Variants in MAPKAPK5 observed in about 807,000 individuals in gnomAD.
The protein encoded by MAPKAPK5 is MAP kinase-activated protein kinase 5.
In MAPKAPK5, 30 loss-of-function variants were observed where a neutral mutation model predicts 65.1. That is an observed-to-expected ratio of 0.46 (90% CI 0.34 to 0.63). The LOEUF (loss-of-function observed/expected upper bound fraction) is 0.63. MAPKAPK5 is among the 20% of genes least tolerant of loss of function. The pLI is 0.01. For missense variants in MAPKAPK5, 433 were observed against 581.4 expected (o/e 0.74, Z 2.63); for synonymous variants, 179 against 204.6 (o/e 0.87, Z 1.07).
intron 12 of MAPKAPK5, chr12:111,889,212 C>T (rs2070517831): frequency 2.1e-6 from 1 of 470,604 alleles, no homozygotes; most frequent in South Asian, 4.3e-5. Context: ...TTAAGTTCTG[C>T]CCCTCCTTTG....
intron 5 of MAPKAPK5, 25 bp from the exon 6 acceptor site, chr12:111,870,246 A>C: frequency 6.4e-7 from 1 of 1,551,112 alleles, no homozygotes; most frequent in Non-Finnish European, 8.9e-7. Flanking sequence ...CTAAGAAGCG[A>C]CTGTTTCATT....
At position 111,880,541 on chromosome 12, in the gene MAPKAPK5, T is replaced by G. The variant is rs541409199; in HGVS notation, c.660+14T>G. ...ACTTACAACAAGGTACAGGAAGAGA[T>G]ATTTCTCTTCATTTGACAGATGCAG... On this transcript the variant is annotated intron_variant, in intron 8 of 13. Coordinates refer to ENST00000550735, the MANE Select transcript of MAPKAPK5 (RefSeq NM_003668.4). The G allele has an allele frequency of 6.2e-5, 99 of 1,607,224 alleles. 1 individual carries two copies. The South Asian group carries it at 9.3e-4, about 15-fold the overall frequency.
intron 9 of MAPKAPK5, among the ~76,000 whole-genome samples, chr12:111,884,333 C>G (rs758754747): frequency 6.6e-6 from 1 of 152,192 alleles, no homozygotes; most frequent in South Asian, 2.1e-4. Context: ...GCCTCAGCCT[C>G]GGCAGTAGCT....
chr12:111,889,862 A>G (rs1193745075), intron 12 of MAPKAPK5, 178 bp from the exon 13 acceptor site: 2 of 552,790 alleles, frequency 3.6e-6, no homozygotes, highest in Non-Finnish European at 6.5e-6. Context: ...AAAAGAGTCC[A>G]CATACCAGAT....
rs749936942 is a variant in MAPKAPK5, at chr12:111,900,852, A to G, written c.*7791A>G. 4 of 456,092 alleles carry G rather than the reference A, an allele frequency of 8.8e-6. No individual in the cohort carries two copies. Among genetic ancestry groups the G allele is most frequent in the South Asian group, 4.6e-5 (3 of 64,564 alleles). The allele number at this position is 456,092 out of a possible 1,614,324, so 28.3% of individuals were successfully genotyped here. On this transcript the variant is annotated 3_prime_UTR_variant, in exon 14 of 14. Transcript: ENST00000550735. The stretch of plus-strand genomic sequence containing the variant: ...ATGTCATACAATTTACGAGTGCCTT[A>G]AAGTTCATTGTATGGACCCTAATAA...
Position 111,893,554 on chromosome 12 carries a change from G to C in MAPKAPK5, c.*493G>C, listed in dbSNP as rs111615149. On this transcript the variant is annotated 3_prime_UTR_variant, in exon 14 of 14. Coordinates refer to ENST00000550735, the MANE Select transcript of MAPKAPK5 (RefSeq NM_003668.4). ...TCACAGGAGGCACACTTGAGCTTGG[G>C]GAGCCAACTTCCATGATGGAAGAAG... 0.031 allele frequency: 4,772 copies of C among 152,296 alleles called. 94 individuals carry two copies. The highest frequency in any genetic ancestry group is 0.12 in the Middle Eastern group (36 of 294). The allele number at this position is 152,296 out of a possible 1,614,324, so 9.4% of individuals were successfully genotyped here.
At chr12:111,848,568 C>G (rs1467565025) in intron 1 of MAPKAPK5, among the ~76,000 whole-genome samples, 1 of 152,050 alleles carries the variant, frequency 6.6e-6, no homozygotes, top group Non-Finnish European at 1.5e-5. Context: ...CACCTGCCAT[C>G]ATGCCCAGCT....
intron 1 of MAPKAPK5, among the ~76,000 whole-genome samples, chr12:111,846,187 C>A (rs1271562113): frequency 2.0e-5 from 3 of 152,202 alleles, no homozygotes; most frequent in Non-Finnish European, 4.4e-5. Flanking sequence ...GCCAGCATTA[C>A]ATCAAATAAA....
intron 1 of MAPKAPK5, among the ~76,000 whole-genome samples, chr12:111,863,067 C>T (rs1476419639): frequency 6.6e-6 from 1 of 152,094 alleles, no homozygotes; most frequent in African/African-American, 2.4e-5. Context: ...AGTACTTGTT[C>T]CTAATCTTTA....
chr12:111,897,632 A>T lies in MAPKAPK5; in HGVS notation c.*4571A>T. The T allele has an allele frequency of 6.6e-6, 1 of 152,230 alleles. No homozygotes were observed. Among genetic ancestry groups the T allele is most frequent in the East Asian group, 1.9e-4 (1 of 5,200 alleles). The allele number at this position is 152,230 out of a possible 1,614,324, so 9.4% of individuals were successfully genotyped here. A position where few individuals can be genotyped will look rare whatever the true frequency, so the allele number is the denominator to read the frequency against. On this transcript the variant is annotated 3_prime_UTR_variant, in exon 14 of 14. Coordinates refer to ENST00000550735, the MANE Select transcript of MAPKAPK5 (RefSeq NM_003668.4). ...TTTGCGCTTACATAAATCACAAGAAATACAGCTGGAAATCATTTCACTTTT... is the reference window on the plus strand; with the variant it reads ...TTTGCGCTTACATAAATCACAAGAATTACAGCTGGAAATCATTTCACTTTT...
intron 1 of MAPKAPK5, among the ~76,000 whole-genome samples, chr12:111,854,391 G>A (rs1049875842): frequency 2.0e-5 from 3 of 151,992 alleles, no homozygotes; most frequent in East Asian, 1.9e-4. Flanking sequence ...TGAGGCGTGC[G>A]CCACCACGCC....
At chr12:111,875,099 T>C (rs2069919986) in intron 7 of MAPKAPK5, among the ~76,000 whole-genome samples, 1 of 152,254 alleles carries the variant, frequency 6.6e-6, no homozygotes, top group Admixed American at 6.5e-5. Context: ...TTTTGTATAT[T>C]GACTTTGTGT....
intron 1 of MAPKAPK5, among the ~76,000 whole-genome samples, chr12:111,856,487 A>G (rs1202379740): frequency 1.3e-5 from 2 of 150,194 alleles, no homozygotes; most frequent in African/African-American, 2.5e-5. Context: ...GCTCACTGCA[A>G]CCTCCACCTC....
In MAPKAPK5 at chr12:111,901,102, C is replaced by G. The variant is rs1238614946; in HGVS notation, c.*8041C>G. ...CTCCAACATACAATGATTCAGGTCC[C>G]TCAGGGAGATGGCTCATGTTGGAGC... On this transcript the variant is annotated 3_prime_UTR_variant, in exon 14 of 14. Transcript: ENST00000550735. 2.2e-6 allele frequency: 1 copy of G among 456,076 alleles called. No individual in the cohort carries two copies. The highest frequency in any genetic ancestry group is 1.5e-5 in the South Asian group (1 of 64,560). The allele number at this position is 456,076 out of a possible 1,614,324, so 28.3% of individuals were successfully genotyped here.
At chr12:111,853,479 C>A (rs1409324541) in intron 1 of MAPKAPK5, among the ~76,000 whole-genome samples, 1 of 151,980 alleles carries the variant, frequency 6.6e-6, no homozygotes, top group Non-Finnish European at 1.5e-5. Context: ...ATTTTGTATC[C>A]TTAGTACATT....
intron 1 of MAPKAPK5, among the ~76,000 whole-genome samples, chr12:111,852,174 G>A (rs550496446): frequency 1.8e-4 from 27 of 152,264 alleles, no homozygotes; most frequent in Non-Finnish European, 2.8e-4. Context: ...GTGGAAGAAG[G>A]ATTAGTATTG....
At chr12:111,877,162 C>T (rs1471706965) in intron 7 of MAPKAPK5, among the ~76,000 whole-genome samples, 1 of 152,236 alleles carries the variant, frequency 6.6e-6, no homozygotes, top group African/African-American at 2.4e-5. Context: ...GGATTAAAGG[C>T]ATGTGCCACC....
chr12:111,863,933 G>C (rs1323575012), intron 1 of MAPKAPK5, among the ~76,000 whole-genome samples: 1 of 151,822 alleles, frequency 6.6e-6, no homozygotes, highest in African/African-American at 2.4e-5. Context: ...GTCTGCAGTT[G>C]GTTTCCTATT....
chr12:111,851,484 C>T (rs2069080149), intron 1 of MAPKAPK5, among the ~76,000 whole-genome samples: 1 of 152,040 alleles, frequency 6.6e-6, no homozygotes, highest in Non-Finnish European at 1.5e-5. Flanking sequence ...CTCCACAATG[C>T]CTGGCTAATT....
Sources: gnomAD v4.1 joint callset for allele counts (sites outside exome capture counted in the v4.1 genomes callset) on GRCh38, gnomAD v4.1.1 for gene constraint, MANE v1.5 for transcripts, NCBI Gene and HGNC (gene_info 2026-07-23, HGNC 2026-07-21) for gene names.